SUSD4: variants seen among roughly 807,000 people sequenced by gnomAD.
SUSD4 encodes sushi domain containing 4, also known as sushi domain-containing protein 4.
A neutral mutation model predicts 50.5 loss-of-function variants in SUSD4; 41 were observed. That is an observed-to-expected ratio of 0.81 (90% CI 0.63 to 1.05). The LOEUF (loss-of-function observed/expected upper bound fraction) is 1.05. Among genes scored for constraint, SUSD4 ranks in the 50% least tolerant of loss-of-function variants. SUSD4 has a pLI of 0.00. For synonymous variants in SUSD4, 257 were observed against 257.3 expected (o/e 1.00, Z 0.01); for missense variants, 580 against 634.7 (o/e 0.91, Z 0.93).
At chr1:223,345,479 A>C (rs1667978630) in intron 2 of SUSD4, among the ~76,000 whole-genome samples, 1 of 152,116 alleles carries the variant, frequency 6.6e-6, no homozygotes, top group Non-Finnish European at 1.5e-5. Context: ...AGATGGAGCC[A>C]GGGTTCAGAT....
intron 2 of SUSD4, among the ~76,000 whole-genome samples, chr1:223,339,263 T>C (rs184504796): frequency 4.6e-5 from 7 of 152,110 alleles, no homozygotes; most frequent in African/African-American, 1.7e-4. Flanking sequence ...AGAGGAACGA[T>C]GGGGGTGGAA....
At chr1:223,289,216 C>A in intron 3 of SUSD4, 4 of 985,422 alleles carry the variant, frequency 4.1e-6, no homozygotes, top group Non-Finnish European at 3.6e-6. Flanking sequence ...CCTCTGTTCC[C>A]TGGGCCATAG....
chr1:223,279,760 A>G (rs1310232336), intron 3 of SUSD4, among the ~76,000 whole-genome samples: 2 of 152,190 alleles, frequency 1.3e-5, no homozygotes, highest in Admixed American at 6.5e-5. Context: ...ACTCCTCGAG[A>G]AGAGCAACTC....
At chr1:223,327,335 G>A (rs1395726880) in intron 2 of SUSD4, among the ~76,000 whole-genome samples, 1 of 152,180 alleles carries the variant, frequency 6.6e-6, no homozygotes, top group African/African-American at 2.4e-5. Flanking sequence ...AGAAGTGGGA[G>A]GAGACTGGGA....
chr1:223,357,583 G>A (rs1437664138), intron 2 of SUSD4, among the ~76,000 whole-genome samples: 3 of 152,072 alleles, frequency 2.0e-5, no homozygotes, highest in Non-Finnish European at 2.9e-5. Context: ...CAGTTGTGAG[G>A]AATTAAATGA....
Position 223,315,772 on chromosome 1 carries a change from T to C in SUSD4, c.149-23121A>G, listed in dbSNP as rs190550273. 2.1e-3 allele frequency among the ~76,000 whole-genome samples: 314 copies of C among 152,262 alleles called. 5 individuals carry two copies. Among genetic ancestry groups the C allele is most frequent in the African/African-American group, 7.5e-3 (310 of 41,556 alleles). On this transcript the variant is annotated intron_variant, in intron 2 of 8. Coordinates refer to ENST00000366878, the MANE Select transcript of SUSD4 (RefSeq NM_017982.4). Reference sequence around the variant, plus strand: ...CTTTAAGTTGGTCTCAGAGAACAGATCTGATCACTACGGCAGCTGCTCCTC... The same window carrying C: ...CTTTAAGTTGGTCTCAGAGAACAGACCTGATCACTACGGCAGCTGCTCCTC...
intron 2 of SUSD4, among the ~76,000 whole-genome samples, chr1:223,357,802 C>T (rs1668749346): frequency 6.6e-6 from 1 of 152,176 alleles, no homozygotes; most frequent in African/African-American, 2.4e-5. Flanking sequence ...CAATAAAATA[C>T]ATAAGAATAT....
intron 5 of SUSD4, among the ~76,000 whole-genome samples, chr1:223,252,228 A>ATATATATAT: frequency 9.0e-6 from 1 of 111,266 alleles, no homozygotes; most frequent in African/African-American, 3.6e-5. Flanking sequence ...TTAAAAAAAA[A>ATATATATAT]AAAAAAAAAT....
chr1:223,236,896 G>A (rs776469785), intron 5 of SUSD4, among the ~76,000 whole-genome samples: 1 of 152,018 alleles, frequency 6.6e-6, no homozygotes, highest in Non-Finnish European at 1.5e-5. Flanking sequence ...ATAACTTGCT[G>A]GAATTTTGAT....
At chr1:223,245,565 G>A (rs1025616502) in intron 5 of SUSD4, among the ~76,000 whole-genome samples, 2 of 152,144 alleles carry the variant, frequency 1.3e-5, no homozygotes, top group Non-Finnish European at 2.9e-5. Flanking sequence ...GTGTGCAGCT[G>A]CATGGAACCA....
chr1:223,258,970 T>C (rs1161643807), intron 5 of SUSD4, among the ~76,000 whole-genome samples: 2 of 152,146 alleles, frequency 1.3e-5, no homozygotes, highest in African/African-American at 2.4e-5. Context: ...TGGCCTTCAG[T>C]GTAGGTAACA....
intron 2 of SUSD4, among the ~76,000 whole-genome samples, chr1:223,311,729 C>T (rs1665887250): frequency 6.6e-6 from 1 of 152,158 alleles, no homozygotes; most frequent in Admixed American, 6.5e-5. Context: ...CAAACCTCTA[C>T]AACATAGAAG....
intron 2 of SUSD4, among the ~76,000 whole-genome samples, chr1:223,353,257 C>T (rs1668465731): frequency 1.3e-5 from 2 of 152,150 alleles, no homozygotes; most frequent in African/African-American, 2.4e-5. Context: ...GGGGTCAGGA[C>T]CTGCACGTGG....
At chr1:223,350,946 T>TATATATA (rs1668326343) in intron 2 of SUSD4, among the ~76,000 whole-genome samples, 4 of 152,242 alleles carry the variant, frequency 2.6e-5, no homozygotes, top group Non-Finnish European at 4.4e-5. Context: ...GATCCTAGCT[T>TATATATA]TAAGGAGCTT....
intron 5 of SUSD4, among the ~76,000 whole-genome samples, chr1:223,245,604 G>A (rs1374111240): frequency 6.6e-6 from 1 of 152,180 alleles, no homozygotes; most frequent in African/African-American, 2.4e-5. Context: ...TTATCATAGT[G>A]TGAAGGGACA....
chr1:223,304,793 C>CAT (rs57599818), intron 2 of SUSD4, among the ~76,000 whole-genome samples: 13 of 53,592 alleles, frequency 2.4e-4, no homozygotes, highest in South Asian at 6.0e-4. Context: ...CTCAGGTTTC[C>CAT]ATATATATAT....
intron 7 of SUSD4, among the ~76,000 whole-genome samples, chr1:223,226,630 G>A (rs1256172629): frequency 6.6e-6 from 1 of 152,184 alleles, no homozygotes; most frequent in Non-Finnish European, 1.5e-5. Flanking sequence ...TTAATTCCAG[G>A]AGCCTCCTCC....
chr1:223,334,883 C>T (rs184254730), intron 2 of SUSD4, among the ~76,000 whole-genome samples: 2 of 152,206 alleles, frequency 1.3e-5, no homozygotes, highest in African/African-American at 4.8e-5. Context: ...CCTACCCTTT[C>T]CCCCTGGGTC....
chr1:223,229,323 A>T lies in SUSD4; in HGVS notation c.790T>A (p.Tyr264Asn). 1 of 1,610,912 alleles carries T rather than the reference A, an allele frequency of 6.2e-7. No individual in the cohort carries two copies. The highest frequency in any genetic ancestry group is 8.5e-7 in the Non-Finnish European group (1 of 1,177,456). ...FVCHPRPCER[Y>N]NHGTVVEFYC... ...AACTCCACCACAGTTCCGTGGTTGT[A>T]GCGCTCACAAGGCCGCGGGTGGCAG... Residue 264 changes from tyrosine (Y) to asparagine (N), a missense_variant, in exon 6 of 9, where the codon TAC becomes AAC. Physicochemically the swap from Tyr to Asn is moderately radical, Grantham distance 143 (BLOSUM62 -2). Coordinates refer to ENST00000366878, the MANE Select transcript of SUSD4 (RefSeq NM_017982.4). This position sits in a 1 kb window ranked among gnomAD's most constrained non-coding sequence, Gnocchi z 4.7.
Sources: gnomAD v4.1 joint callset for allele counts (sites outside exome capture counted in the v4.1 genomes callset) on GRCh38, gnomAD v4.1.1 for gene constraint, Gnocchi (gnomAD v3.1) non-coding constraint, MANE v1.5 for transcripts, NCBI Gene and HGNC (gene_info 2026-07-23, HGNC 2026-07-21) for gene names.